Variants in REXO1 observed in about 807,000 individuals in gnomAD.
REXO1 encodes the protein RNA exonuclease 1 homolog, also known as REX1, RNA exonuclease 1 homolog.
A neutral mutation model predicts 102.6 loss-of-function variants in REXO1; 42 were observed. The observed-to-expected ratio is 0.41, with a 90% CI of 0.32 to 0.53. The LOEUF is 0.53. Among genes scored for constraint, REXO1 ranks in the 20% least tolerant of loss-of-function variants. The probability of loss-of-function intolerance (pLI) is 0.27; values close to 1 mark genes in which losing one functional copy is unlikely to be tolerated. For missense variants in REXO1, 1,819 were observed against 1,732.5 expected (o/e 1.05, Z -0.89); for synonymous variants, 908 against 779.1 (o/e 1.17, Z -2.76).
In REXO1 at chr19:1,827,281, C is replaced by A. The variant is rs779475833; in HGVS notation, c.1508G>T (p.Gly503Val). The A allele has an allele frequency of 1.3e-6, 2 of 1,563,958 alleles. No homozygotes were observed. Among genetic ancestry groups the A allele is most frequent in the Non-Finnish European group, 1.7e-6 (2 of 1,161,740 alleles). Residue 503 changes from glycine (G) to valine (V), a missense_variant, in exon 2 of 16, where the codon GGC becomes GTC. Gly to Val is a moderately radical substitution (Grantham distance 109). Transcript: ENST00000170168. ...VERKARSLDEGASQDAPKLKK... is the reference protein window; with the variant it reads ...VERKARSLDEVASQDAPKLKK... The stretch of plus-strand genomic sequence containing the variant: ...CAGCTTGGGGGCGTCCTGGGAGGCG[C>A]CCTCGTCTAGTGAGCGGGCTTTCCG...
chr19:1,815,617 G>T lies in REXO1; in HGVS notation c.*449C>A. 2.8e-6 allele frequency: 3 copies of T among 1,061,456 alleles called. No individual in the cohort carries two copies. The highest frequency in any genetic ancestry group is 1.8e-5 in the South Asian group (1 of 54,800). The allele number at this position is 1,061,456 out of a possible 1,614,324, so 65.8% of individuals were successfully genotyped here. ...CTCTTCCCGGTGGGAAAGATGCTGT[G>T]CAAGTCATCAGGTTTAAATTAAAAA... On this transcript the variant is annotated 3_prime_UTR_variant, in exon 16 of 16. Coordinates refer to ENST00000170168, the MANE Select transcript of REXO1 (RefSeq NM_020695.4). This position sits in a 1 kb window ranked among gnomAD's most constrained non-coding sequence, Gnocchi z 4.0.
intron 1 of REXO1, among the ~76,000 whole-genome samples, chr19:1,838,294 G>T (rs1472235370): frequency 6.8e-6 from 1 of 147,478 alleles, no homozygotes; most frequent in African/African-American, 2.6e-5. Flanking sequence ...TCCAGCCTGG[G>T]CAACAAGAAC....
At chr19:1,845,259 C>T (rs1340906081) in intron 1 of REXO1, among the ~76,000 whole-genome samples, 1 of 152,180 alleles carries the variant, frequency 6.6e-6, no homozygotes, top group Non-Finnish European at 1.5e-5. Flanking sequence ...ATAGAACGTG[C>T]CCCTCTAGGC....
In REXO1 at chr19:1,829,172, C is replaced by T. The variant is rs1034061025; in HGVS notation, c.158-541G>A. Among the ~76,000 whole-genome samples the T allele has an allele frequency of 5.9e-5, 9 of 152,080 alleles. No homozygotes were observed. The East Asian group carries it at 9.6e-4, about 16-fold the overall frequency. ...CGGTGGTGTGGTGGCGGTGTGCCTG[C>T]GGTGATGTGGCTGAGCAGGGCCGGG... On this transcript the variant is annotated intron_variant, in intron 1 of 15. Coordinates refer to ENST00000170168, the MANE Select transcript of REXO1 (RefSeq NM_020695.4).
chr19:1,847,815 G>A (rs969366949), intron 1 of REXO1, among the ~76,000 whole-genome samples: 9 of 152,228 alleles, frequency 5.9e-5, no homozygotes, highest in Non-Finnish European at 1.2e-4. Context: ...ACAAGCACAT[G>A]GGGTCCGGGA....
chr19:1,828,092 C>T lies in REXO1; in HGVS notation c.697G>A (p.Glu233Lys), dbSNP rs1336890656. Residue 233 changes from glutamate (E) to lysine (K), a missense_variant, in exon 2 of 16, where the codon GAG becomes AAG. Coordinates refer to ENST00000170168, the MANE Select transcript of REXO1 (RefSeq NM_020695.4). ...GAGTAGTTGGAGAGAGGGTCATACT[C>T]CAGGTCTGTGGGTGGCCTGGAGTTG... ...VDNSRPPTDL[E>K]YDPLSNYSAR... is the part of the protein sequence containing the mutation. 6.2e-7 allele frequency: 1 copy of T among 1,613,166 alleles called. No homozygotes were observed. The highest frequency in any genetic ancestry group is 8.5e-7 in the Non-Finnish European group (1 of 1,179,838).
At chr19:1,841,383 G>A (rs1191876611) in intron 1 of REXO1, among the ~76,000 whole-genome samples, 1 of 152,194 alleles carries the variant, frequency 6.6e-6, no homozygotes, top group African/African-American at 2.4e-5. Context: ...TCTGAGGGTG[G>A]GGAGGAGGGC....
At chr19:1,836,304 G>C (rs1001611081) in intron 1 of REXO1, among the ~76,000 whole-genome samples, 3 of 152,176 alleles carry the variant, frequency 2.0e-5, no homozygotes, top group African/African-American at 7.2e-5. Context: ...ACGTTCTCTA[G>C]TGAGACCCGT....
Position 1,827,731 on chromosome 19 carries a change from G to C in REXO1, c.1058C>G (p.Pro353Arg). The change falls in exon 2 of 16, where the codon CCA (proline) becomes CGA (arginine). Residue 353 changes from proline to arginine, a missense_variant. Coordinates refer to ENST00000170168, the MANE Select transcript of REXO1 (RefSeq NM_020695.4). ...CTGGGCTGGGGAGGCGGGCTTGGCTGGGGGCGGCTGGAGGTCCCCCACGTC... is the reference window on the plus strand; with the variant it reads ...CTGGGCTGGGGAGGCGGGCTTGGCTCGGGGCGGCTGGAGGTCCCCCACGTC... ...QCDVGDLQPPPAKPASPAQVQ... is the reference protein window; with the variant it reads ...QCDVGDLQPPRAKPASPAQVQ... The C allele has an allele frequency of 6.4e-7, 1 of 1,569,762 alleles. No individual in the cohort carries two copies. The highest frequency in any genetic ancestry group is 8.6e-7 in the Non-Finnish European group (1 of 1,168,680).
intron 12 of REXO1, 117 bp from the exon 13 acceptor site, chr19:1,816,930 G>C: frequency 1.2e-6 from 1 of 822,722 alleles, no homozygotes; most frequent in Non-Finnish European, 2.0e-6. Context: ...CAGAGACTCT[G>C]TGGGACTTCT....
Position 1,827,661 on chromosome 19 carries a change from G to C in REXO1, c.1128C>G (p.Pro376=). ...QDGGCPKEGK[P]KKKKTGAPPA... ...GTGGGGCCCCGGTTTTTTTCTTCTT[G>C]GGTTTTCCCTCCTTGGGGCAGCCCC... Residue 376 remains proline (P), a synonymous_variant, in exon 2 of 16, where the codon CCC becomes CCG. Coordinates refer to ENST00000170168, the MANE Select transcript of REXO1 (RefSeq NM_020695.4). 1 of 1,567,898 alleles carries C rather than the reference G, an allele frequency of 6.4e-7. No homozygotes were observed. The highest frequency in any genetic ancestry group is 8.5e-7 in the Non-Finnish European group (1 of 1,171,418).
chr19:1,841,539 G>A (rs982794599), intron 1 of REXO1, among the ~76,000 whole-genome samples: 1 of 152,248 alleles, frequency 6.6e-6, no homozygotes, highest in Non-Finnish European at 1.5e-5. Context: ...CAGGCTCAAG[G>A]GGGTAACGCC....
rs1482214085 is a variant in REXO1, at chr19:1,818,725, C to G, written c.2883G>C (p.Glu961Asp). 6.2e-7 allele frequency: 1 copy of G among 1,611,160 alleles called. No individual in the cohort carries two copies. The highest frequency in any genetic ancestry group is 8.5e-7 in the Non-Finnish European group (1 of 1,179,890). Residue 961 changes from glutamate (E) to aspartate (D), a missense_variant, in exon 9 of 16, where the codon GAG becomes GAC. By Grantham distance (45) the Glu-to-Asp change is conservative. Transcript: ENST00000170168. ...ACTCACAGTCCTTGGGCCTCTTCTC[C>G]TCAGCTGTGAAGATGATTGCGCCCC... ...RPGGAIIFTA[E>D]EKRPKDSSCR...
At chr19:1,818,937 G>A (rs1168970413) in intron 8 of REXO1, 81 bp downstream of exon 8, 11 of 1,569,986 alleles carry the variant, frequency 7.0e-6, no homozygotes, top group African/African-American at 4.2e-5. Flanking sequence ...AGGGGCCCAC[G>A]AAGCACCGTG....
Position 1,828,562 on chromosome 19 carries a change from C to T in REXO1, c.227G>A (p.Gly76Asp), listed in dbSNP as rs761058088. 1.4e-5 allele frequency: 23 copies of T among 1,604,136 alleles called. No homozygotes were observed. The highest frequency in any genetic ancestry group is 1.9e-5 in the Non-Finnish European group (23 of 1,179,842). The change falls in exon 2 of 16, where the codon GGC becomes GAC. Residue 76 changes from glycine (G) to aspartate (D), a missense_variant. Transcript: ENST00000170168. Reference protein sequence around the residue: ...PPAQRENGTLGLGEEPRPDVL... With the variant: ...PPAQRENGTLDLGEEPRPDVL... ...ATCCGGGCGCGGCTCCTCCCCCAGG[C>T]CCAGGGTGCCATTCTCCCTCTGCGC...
intron 1 of REXO1, among the ~76,000 whole-genome samples, chr19:1,840,648 A>C (rs1391780295): frequency 6.7e-6 from 1 of 150,062 alleles, no homozygotes; most frequent in African/African-American, 2.5e-5. Context: ...CCCCCCTGCA[A>C]CTCTGAGTGA....
rs549429065 is a variant in REXO1 at position 1,821,145 on chromosome 19, A to G, written c.2394+374T>C. ...GGTGGATCACGAGGTCAGAAGATCG[A>G]GACCATCCTGGCTAACATGGTGAAA... On this transcript the variant is annotated intron_variant, in intron 5 of 15. Transcript: ENST00000170168. 7.4e-4 allele frequency among the ~76,000 whole-genome samples: 113 copies of G among 152,196 alleles called. 1 individual carries two copies. The highest frequency in any genetic ancestry group is 4.6e-3 in the South Asian group (22 of 4,832).
chr19:1,829,895 A>G (rs759343505), intron 1 of REXO1, among the ~76,000 whole-genome samples: 19 of 152,210 alleles, frequency 1.2e-4, no homozygotes, highest in Non-Finnish European at 2.4e-4. Flanking sequence ...CTCCCACCTC[A>G]GCCTCCAAGA....
intron 12 of REXO1, 163 bp downstream of exon 12, chr19:1,817,056 T>G: frequency 1.2e-6 from 1 of 861,782 alleles, no homozygotes; most frequent in Non-Finnish European, 1.8e-6. Flanking sequence ...TGCTGGGAAG[T>G]ATGGGGTGTT....
Sources: gnomAD v4.1 joint callset for allele counts (sites outside exome capture counted in the v4.1 genomes callset) on GRCh38, gnomAD v4.1.1 for gene constraint, Gnocchi (gnomAD v3.1) non-coding constraint, MANE v1.5 for transcripts, NCBI Gene and HGNC (gene_info 2026-07-23, HGNC 2026-07-21) for gene names.